Variants in POFUT3 observed in about 807,000 individuals in gnomAD.
POFUT3 encodes the protein GDP-fucose protein O-fucosyltransferase 3.
At chr8:33,348,170 CA>C in the POFUT3 span, among the ~76,000 whole-genome samples, 5,079 of 95,020 alleles carry the variant, frequency 0.053, 207 homozygotes, top group African/African-American at 0.17. Flanking sequence ...GACTCTGCCT[CA>C]AAAAAAAAAA....
the POFUT3 span, among the ~76,000 whole-genome samples, chr8:33,377,760 A>C: frequency 3.3e-5 from 5 of 152,216 alleles, no homozygotes; most frequent in Non-Finnish European, 7.3e-5. Flanking sequence ...CGGAAAAACC[A>C]GCTGTTTCTA....
chr8:33,416,830 C>CAAAAAAAAAAAAAAAAAAAAGAA, the POFUT3 span, among the ~76,000 whole-genome samples: 1 of 44,554 alleles, frequency 2.2e-5, no homozygotes, highest in African/African-American at 6.0e-5. Context: ...TGGGCGACGA[C>CAAAAAAAAAAAAAAAAAAAAGAA]AAAAAAAAAA....
the POFUT3 span, among the ~76,000 whole-genome samples, chr8:33,351,711 CA>C: frequency 6.6e-6 from 1 of 151,646 alleles, no homozygotes; most frequent in African/African-American, 2.4e-5. Context: ...TGTAGCAACA[CA>C]AAAGGACTAA....
chr8:33,354,537 A>G, the POFUT3 span, among the ~76,000 whole-genome samples: 1 of 152,186 alleles, frequency 6.6e-6, no homozygotes, highest in Non-Finnish European at 1.5e-5. Flanking sequence ...TTTTTGTTCT[A>G]TCTAACCCCT....
At chr8:33,417,221 A>G in the POFUT3 span, among the ~76,000 whole-genome samples, 1 of 152,230 alleles carries the variant, frequency 6.6e-6, no homozygotes, top group Admixed American at 6.5e-5. Context: ...ATGAACTGTC[A>G]CTGTCTCCCA....
chr8:33,461,457 C>T, the POFUT3 span: 1 of 1,613,636 alleles, frequency 6.2e-7, no homozygotes, highest in South Asian at 1.1e-5. Context: ...CACCATGCTG[C>T]CCTGCCCTGG....
At chr8:33,388,983 T>C in the POFUT3 span, 4 of 1,614,132 alleles carry the variant, frequency 2.5e-6, no homozygotes, top group Non-Finnish European at 3.4e-6. Flanking sequence ...AGCCTGATAT[T>C]AGCCCACACC....
At chr8:33,395,489 G>A in the POFUT3 span, among the ~76,000 whole-genome samples, 1 of 151,856 alleles carries the variant, frequency 6.6e-6, no homozygotes, top group Non-Finnish European at 1.5e-5. Flanking sequence ...CAAACTCCAG[G>A]GGAAGATCAT....
At chr8:33,436,665 C>G in the POFUT3 span, 1 of 845,956 alleles carries the variant, frequency 1.2e-6, no homozygotes. Flanking sequence ...GCTGTGTAGC[C>G]TCCCAGGGCA....
the POFUT3 span, among the ~76,000 whole-genome samples, chr8:33,454,188 G>T: frequency 6.6e-6 from 1 of 152,174 alleles, no homozygotes; most frequent in Admixed American, 6.6e-5. Flanking sequence ...GAAGTCAGAA[G>T]TCTGCAATGG....
chr8:33,314,370 C>G, the POFUT3 span, among the ~76,000 whole-genome samples: 5 of 152,256 alleles, frequency 3.3e-5, no homozygotes, highest in African/African-American at 1.2e-4. Flanking sequence ...TATTATTTGC[C>G]TTTCAAAGTC....
At chr8:33,341,328 G>A in the POFUT3 span, among the ~76,000 whole-genome samples, 3 of 151,844 alleles carry the variant, frequency 2.0e-5, no homozygotes, top group East Asian at 3.9e-4. Context: ...CCAGCTACTT[G>A]GGAGGATGAG....
chr8:33,466,555 G>C, the POFUT3 span, among the ~76,000 whole-genome samples: 1 of 152,116 alleles, frequency 6.6e-6, no homozygotes. Flanking sequence ...CCCAGCCAGG[G>C]TAGATAGTAG....
chr8:33,441,018 T>C, the POFUT3 span, among the ~76,000 whole-genome samples: 1 of 152,134 alleles, frequency 6.6e-6, no homozygotes, highest in East Asian at 1.9e-4. Context: ...GTAAAATTTG[T>C]AAAATAAAAT....
the POFUT3 span, among the ~76,000 whole-genome samples, chr8:33,390,066 A>G: frequency 5.3e-5 from 8 of 152,272 alleles, no homozygotes; most frequent in Non-Finnish European, 1.2e-4. Flanking sequence ...ATGGTGGCAC[A>G]TTGCCTGTAA....
the POFUT3 span, among the ~76,000 whole-genome samples, chr8:33,410,948 T>C: frequency 6.6e-6 from 1 of 152,106 alleles, no homozygotes; most frequent in Non-Finnish European, 1.5e-5. Context: ...TCACCACCCC[T>C]AACAGCCACT....
the POFUT3 span, among the ~76,000 whole-genome samples, chr8:33,328,619 T>C: frequency 6.6e-6 from 1 of 152,202 alleles, no homozygotes; most frequent in Non-Finnish European, 1.5e-5. Flanking sequence ...ATTGTTCACC[T>C]TCACGCATGG....
chr8:33,355,420 T>C, the POFUT3 span, among the ~76,000 whole-genome samples: 1 of 152,120 alleles, frequency 6.6e-6, no homozygotes, highest in African/African-American at 2.4e-5. Flanking sequence ...CCTCCATCGA[T>C]TGATTTAAAT....
chr8:33,447,942 TATAA>T, the POFUT3 span, among the ~76,000 whole-genome samples: 1 of 152,196 alleles, frequency 6.6e-6, no homozygotes. Flanking sequence ...CAATAGACCT[TATAA>T]ATAAATTGAA....
Sources: allele counts gnomAD v4.1 joint callset (sites outside exome capture counted in the v4.1 genomes callset), GRCh38; gene constraint gnomAD v4.1.1; transcripts MANE v1.5; gene names NCBI Gene and HGNC (gene_info 2026-07-23, HGNC 2026-07-21).